Variants in TTC39B observed in about 807,000 individuals in gnomAD.
TTC39B encodes the protein tetratricopeptide repeat domain 39B, also known as tetratricopeptide repeat protein 39B.
In TTC39B, 92 loss-of-function variants were observed where a neutral mutation model predicts 96.6. The ratio of observed to expected loss-of-function variants is 0.95; its 90% CI spans 0.80 to 1.13. TTC39B has a LOEUF of 1.13. TTC39B is among the 50% of genes most tolerant of loss of function. The pLI, the probability that TTC39B is intolerant of heterozygous loss-of-function variation, is 0.00. For missense variants in TTC39B, 955 were observed against 809.3 expected (o/e 1.18, Z -2.18); for synonymous variants, 367 against 299.4 (o/e 1.23, Z -2.33).
At chr9:15,199,106 C>A (rs1053993000) in intron 8 of TTC39B, among the ~76,000 whole-genome samples, 1 of 152,126 alleles carries the variant, frequency 6.6e-6, no homozygotes, top group Non-Finnish European at 1.5e-5. Flanking sequence ...AAACTTAGAG[C>A]CTTTAACACT....
At chr9:15,194,832 T>C (rs1284053818) in intron 8 of TTC39B, among the ~76,000 whole-genome samples, 1 of 152,196 alleles carries the variant, frequency 6.6e-6, no homozygotes, top group East Asian at 1.9e-4. Context: ...ATAAATGTTG[T>C]GTGTGTTCTG....
chr9:15,264,508 G>C (rs1823053344), intron 2 of TTC39B, among the ~76,000 whole-genome samples: 1 of 151,900 alleles, frequency 6.6e-6, no homozygotes, highest in South Asian at 2.1e-4. Flanking sequence ...ACAAAAATTA[G>C]CTGGACGTAG....
At chr9:15,281,972 A>G (rs561712527) in intron 1 of TTC39B, among the ~76,000 whole-genome samples, 1 of 152,272 alleles carries the variant, frequency 6.6e-6, no homozygotes, top group African/African-American at 2.4e-5. Context: ...GCCACCACAC[A>G]CAGACTTACC....
chr9:15,198,327 T>C (rs912437677), intron 8 of TTC39B, among the ~76,000 whole-genome samples: 1 of 151,846 alleles, frequency 6.6e-6, no homozygotes, highest in Admixed American at 6.6e-5. Flanking sequence ...CGTGGTGGTA[T>C]GTGCCTGTAG....
intron 8 of TTC39B, among the ~76,000 whole-genome samples, chr9:15,198,328 G>A (rs943975481): frequency 2.6e-5 from 4 of 152,022 alleles, no homozygotes; most frequent in African/African-American, 9.6e-5. Flanking sequence ...GTGGTGGTAT[G>A]TGCCTGTAGT....
At chr9:15,210,478 C>G (rs1455557078) in intron 5 of TTC39B, among the ~76,000 whole-genome samples, 1 of 152,238 alleles carries the variant, frequency 6.6e-6, no homozygotes, top group African/African-American at 2.4e-5. Context: ...GTAAAATTCT[C>G]CACAGGTTAA....
chr9:15,281,178 A>AAAC (rs928531703), intron 1 of TTC39B, among the ~76,000 whole-genome samples: 5 of 152,034 alleles, frequency 3.3e-5, no homozygotes, highest in Non-Finnish European at 5.9e-5. Context: ...AAAAATCTAA[A>AAAC]AACAACAACA....
chr9:15,271,638 C>T (rs555958625), intron 1 of TTC39B, among the ~76,000 whole-genome samples: 22 of 152,214 alleles, frequency 1.4e-4, no homozygotes, highest in Non-Finnish European at 2.8e-4. Flanking sequence ...CCACTCACCT[C>T]CTGCTGTGCA....
chr9:15,242,662 G>A (rs1822097692), intron 2 of TTC39B, among the ~76,000 whole-genome samples: 1 of 152,164 alleles, frequency 6.6e-6, no homozygotes, highest in Admixed American at 6.5e-5. Flanking sequence ...TCACTAGAAA[G>A]ATTTTGGTTC....
chr9:15,258,218 A>G (rs1261851360), intron 2 of TTC39B, among the ~76,000 whole-genome samples: 2 of 152,150 alleles, frequency 1.3e-5, no homozygotes, highest in African/African-American at 4.8e-5. Context: ...ACTTAAGCTA[A>G]TGTAATAGAG....
At chr9:15,290,027 G>C (rs1480948592) in intron 1 of TTC39B, among the ~76,000 whole-genome samples, 1 of 152,238 alleles carries the variant, frequency 6.6e-6, no homozygotes, top group South Asian at 2.1e-4. Flanking sequence ...TAACACTTGT[G>C]CTTTATCCTA....
chr9:15,166,983 TATATATATATATATATATA>T (rs1216154183), exon 20 of TTC39B: 1 of 4,356 alleles, frequency 2.3e-4, no homozygotes, highest in African/African-American at 4.4e-4. Context: ...ACCTTTATTT[TATATATATATATATATATA>T]TATATATATA....
At chr9:15,164,148 T>C (rs1237342306) in exon 20 of TTC39B, 1 of 152,232 alleles carries the variant, frequency 6.6e-6, no homozygotes, top group Non-Finnish European at 1.5e-5. Flanking sequence ...TCATTTTATA[T>C]AGAACTCACA....
At chr9:15,200,697 A>T (rs1052187489) in intron 7 of TTC39B, among the ~76,000 whole-genome samples, 1 of 152,198 alleles carries the variant, frequency 6.6e-6, no homozygotes, top group South Asian at 2.1e-4. Flanking sequence ...TTTCTAGTCT[A>T]TTGATATCAG....
intron 16 of TTC39B, among the ~76,000 whole-genome samples, chr9:15,184,651 C>T (rs2118668997): frequency 6.6e-6 from 1 of 152,306 alleles, no homozygotes; most frequent in African/African-American, 2.4e-5. Context: ...AGAATGTGAG[C>T]TGGAGCTAGA....
intron 2 of TTC39B, among the ~76,000 whole-genome samples, chr9:15,231,879 G>A (rs1821441110): frequency 1.3e-5 from 2 of 151,542 alleles, no homozygotes; most frequent in South Asian, 4.2e-4. Context: ...ATGTGCTCTG[G>A]AAGCCACCAT....
At chr9:15,288,830 C>T (rs1824074782) in intron 1 of TTC39B, among the ~76,000 whole-genome samples, 1 of 152,250 alleles carries the variant, frequency 6.6e-6, no homozygotes, top group Non-Finnish European at 1.5e-5. Context: ...AGCTTCTGCA[C>T]CTGCCCATCT....
At chr9:15,287,756 C>T (rs1235192771) in intron 1 of TTC39B, among the ~76,000 whole-genome samples, 1 of 152,002 alleles carries the variant, frequency 6.6e-6, no homozygotes, top group Non-Finnish European at 1.5e-5. Context: ...ACCATCTTGG[C>T]TAACACGGTG....
intron 6 of TTC39B, among the ~76,000 whole-genome samples, chr9:15,207,906 C>A (rs1356977627): frequency 6.8e-6 from 1 of 147,780 alleles, no homozygotes; most frequent in Non-Finnish European, 1.5e-5. Flanking sequence ...ATGGTGTGAA[C>A]CTGGGAGGCG....
Sources: gnomAD v4.1 joint callset for allele counts (sites outside exome capture counted in the v4.1 genomes callset) on GRCh38, gnomAD v4.1.1 for gene constraint, MANE v1.5 for transcripts, NCBI Gene and HGNC (gene_info 2026-07-23, HGNC 2026-07-21) for gene names.